SCAI: variants seen among roughly 807,000 people sequenced by gnomAD.
SCAI encodes suppressor of cancer cell invasion, also known as protein SCAI.
Under a neutral mutation model 92.2 loss-of-function variants are expected in SCAI, and 24 were observed. The ratio of observed to expected loss-of-function variants is 0.26; its 90% CI spans 0.19 to 0.37. SCAI has a LOEUF of 0.37. Ranked by LOEUF, SCAI falls within the 10% of genes least tolerant of loss-of-function variation. SCAI has a pLI of 1.00. For missense variants in SCAI, 450 were observed against 736.2 expected (o/e 0.61, Z 4.50); for synonymous variants, 261 against 258.6 (o/e 1.01, Z -0.09).
At chr9:125,139,355 G>T (rs2131276723) in intron 2 of SCAI, among the ~76,000 whole-genome samples, 1 of 152,202 alleles carries the variant, frequency 6.6e-6, no homozygotes, top group South Asian at 2.1e-4. Flanking sequence ...CAAGGCTCCA[G>T]TGAGCCATTG....
At chr9:125,127,675 TG>T (rs1835306344) in intron 2 of SCAI, among the ~76,000 whole-genome samples, 1 of 152,134 alleles carries the variant, frequency 6.6e-6, no homozygotes, top group East Asian at 1.9e-4. Context: ...TAAGTAATAT[TG>T]GTGGTTTCAA....
chr9:124,962,170 T>TTTTTTG, intron 17 of SCAI, among the ~76,000 whole-genome samples: 1 of 84,120 alleles, frequency 1.2e-5, no homozygotes, highest in Non-Finnish European at 2.2e-5. Flanking sequence ...TTTTTTTTTT[T>TTTTTTG]GCGGGGGGGG....
At chr9:125,074,518 A>G (rs960121129) in intron 2 of SCAI, among the ~76,000 whole-genome samples, 3 of 149,032 alleles carry the variant, frequency 2.0e-5, no homozygotes, top group African/African-American at 4.9e-5. Flanking sequence ...TCGGCCTCCC[A>G]AAGTGTTTGG....
chr9:124,983,335 T>C (rs1235658193), intron 14 of SCAI, among the ~76,000 whole-genome samples: 2 of 151,986 alleles, frequency 1.3e-5, no homozygotes, highest in Non-Finnish European at 2.9e-5. Context: ...GAGCTGACAT[T>C]TATGTAAGTA....
intron 17 of SCAI, among the ~76,000 whole-genome samples, chr9:124,957,715 T>G (rs1418595437): frequency 6.7e-6 from 1 of 149,734 alleles, no homozygotes; most frequent in Non-Finnish European, 1.5e-5. Flanking sequence ...GGAGTCTCAC[T>G]CTGTTGCCCA....
In SCAI at chr9:124,944,256, CAAGTT is replaced by C. The variant is rs1292925172; in HGVS notation, c.*8546_*8550del. On this transcript the variant is annotated 3_prime_UTR_variant, in exon 18 of 18. Coordinates refer to ENST00000336505, the MANE Select transcript of SCAI (RefSeq NM_001144877.3). ...GAAGGTCTTTTTAATGATACAGTAA[CAAGTT>C]AACAAAAACCATTCTTCAGGAAATA... The C allele has an allele frequency of 6.7e-6, 1 of 149,692 alleles. No homozygotes were observed. The highest frequency in any genetic ancestry group is 1.5e-5 in the Non-Finnish European group (1 of 67,510). The allele number at this position is 149,692 out of a possible 1,614,324, so 9.3% of individuals were successfully genotyped here.
chr9:125,005,201 T>G (rs1206661199), intron 9 of SCAI, among the ~76,000 whole-genome samples: 1 of 152,128 alleles, frequency 6.6e-6, no homozygotes, highest in East Asian at 1.9e-4. Flanking sequence ...GGAACACACA[T>G]GATAATAAAA....
intron 2 of SCAI, among the ~76,000 whole-genome samples, chr9:125,107,323 C>T (rs1337327878): frequency 1.3e-5 from 2 of 150,546 alleles, no homozygotes; most frequent in African/African-American, 4.9e-5. Context: ...GCAGGAGAAT[C>T]GCTTGAACCC....
rs772834942 is a variant in SCAI at position 125,003,224 on chromosome 9, A to G, written c.964-9T>C. 43 of 1,587,212 alleles carry G rather than the reference A, an allele frequency of 2.7e-5. No homozygotes were observed. Among genetic ancestry groups the G allele is most frequent in the Non-Finnish European group, 3.7e-5 (43 of 1,155,608 alleles). On this transcript the variant is annotated splice_polypyrimidine_tract_variant and intron_variant, in intron 10 of 17. Coordinates refer to ENST00000336505, the MANE Select transcript of SCAI (RefSeq NM_001144877.3). ...GGCTTGTCAGCTGATTCCTATATTT[A>G]CACACAGAAAACATTATACATAAAA...
At chr9:125,038,234 C>CT (rs1368046890) in intron 3 of SCAI, among the ~76,000 whole-genome samples, 1 of 152,090 alleles carries the variant, frequency 6.6e-6, no homozygotes, top group Non-Finnish European at 1.5e-5. Flanking sequence ...TCCAACAAGA[C>CT]CCTACCTCAA....
rs58716034 is a variant in SCAI, at chr9:125,039,385, CAAAAAAAAAA to C, written c.231-9656_231-9647del. Among the ~76,000 whole-genome samples the C allele has an allele frequency of 1.0e-4, 5 of 48,344 alleles. No individual in the cohort carries two copies. In the South Asian group the frequency reaches 3.3e-3, roughly 32 times the overall value. 31.7% of individuals were successfully genotyped at this position (48,344 alleles called of 152,430 possible). ...CTGGCAACAGAGCGAGACTCCATCTCAAAAAAAAAAAAAAAAAAAGAAAAGAAAAAGAAAA... is the reference window on the plus strand; with the variant it reads ...CTGGCAACAGAGCGAGACTCCATCTCAAAAAAAAAGAAAAGAAAAAGAAAA... On this transcript the variant is annotated intron_variant, in intron 3 of 17. Coordinates refer to ENST00000336505, the MANE Select transcript of SCAI (RefSeq NM_001144877.3).
intron 2 of SCAI, among the ~76,000 whole-genome samples, chr9:125,069,925 A>G (rs1833947824): frequency 6.6e-6 from 1 of 152,104 alleles, no homozygotes; most frequent in Non-Finnish European, 1.5e-5. Flanking sequence ...CCCGGCCATG[A>G]GCTCATATTT....
intron 14 of SCAI, among the ~76,000 whole-genome samples, chr9:124,985,958 A>T (rs1354446559): frequency 6.6e-6 from 1 of 152,116 alleles, no homozygotes; most frequent in Non-Finnish European, 1.5e-5. Context: ...TTAAGTTTGA[A>T]GAAATAAGAA....
intron 2 of SCAI, among the ~76,000 whole-genome samples, chr9:125,080,148 C>G (rs895041147): frequency 4.6e-5 from 7 of 152,084 alleles, no homozygotes; most frequent in Non-Finnish European, 1.0e-4. Flanking sequence ...AAATCAAGCT[C>G]CCACGCTCCA....
intron 2 of SCAI, among the ~76,000 whole-genome samples, chr9:125,089,859 T>TA (rs959471261): frequency 2.6e-4 from 39 of 150,796 alleles, no homozygotes; most frequent in East Asian, 5.8e-4. Flanking sequence ...CTTAGGAAGA[T>TA]AAAAAAAAAG....
At chr9:124,964,926 C>CA (rs1192189340) in intron 17 of SCAI, among the ~76,000 whole-genome samples, 2 of 151,908 alleles carry the variant, frequency 1.3e-5, no homozygotes, top group Non-Finnish European at 2.9e-5. Flanking sequence ...CACAAAATAA[C>CA]AGAGTTGTCT....
chr9:125,026,675 T>G, intron 6 of SCAI, 137 bp downstream of exon 6: 2 of 507,606 alleles, frequency 3.9e-6, no homozygotes, highest in Non-Finnish European at 7.0e-6. Context: ...TTCGAAGGTC[T>G]ATTACATAGC....
At chr9:124,995,488 C>T (rs1393606465) in intron 13 of SCAI, among the ~76,000 whole-genome samples, 1 of 151,802 alleles carries the variant, frequency 6.6e-6, no homozygotes, top group Admixed American at 6.6e-5. Context: ...TTTACTATCA[C>T]TATTTTTTTT....
rs569794986 is a variant in SCAI at position 125,142,907 on chromosome 9, T to C, written c.54-230A>G. Among the ~76,000 whole-genome samples the C allele has an allele frequency of 4.0e-5, 6 of 151,588 alleles. 1 individual carries two copies. Among genetic ancestry groups the C allele is most frequent in the Admixed American group, 3.9e-4 (6 of 15,220 alleles). On this transcript the variant is annotated intron_variant, in intron 1 of 17. Coordinates refer to ENST00000336505, the MANE Select transcript of SCAI (RefSeq NM_001144877.3). ...TCCCCCTGAGCTCAAACCTTCCTGG[T>C]CCCTCACCCCATCCTCGACCCCTGC...
Sources: gnomAD v4.1 joint callset for allele counts (sites outside exome capture counted in the v4.1 genomes callset) on GRCh38, gnomAD v4.1.1 for gene constraint, MANE v1.5 for transcripts, NCBI Gene and HGNC (gene_info 2026-07-23, HGNC 2026-07-21) for gene names.